Variants in FSIP2 observed in about 807,000 individuals in gnomAD.
FSIP2 encodes fibrous sheath-interacting protein 2.
FSIP2 carries 367 observed loss-of-function variants against 510.5 expected under a neutral mutation model. The observed-to-expected ratio is 0.72, with a 90% CI of 0.66 to 0.78. The LOEUF is 0.78. FSIP2 is among the 30% of genes least tolerant of loss of function. The pLI, the probability that FSIP2 is intolerant of heterozygous loss-of-function variation, is 0.00. For synonymous variants in FSIP2, 2,601 were observed against 2,732.2 expected (o/e 0.95, Z 1.50); for missense variants, 7,594 against 7,901.7 (o/e 0.96, Z 1.48).
intron 2 of FSIP2, 95 bp downstream of exon 2, chr2:185,739,566 G>T: frequency 8.8e-7 from 1 of 1,138,482 alleles, no homozygotes. Flanking sequence ...AAAGGAATTT[G>T]CATCAACATT....
intron 2 of FSIP2, among the ~76,000 whole-genome samples, chr2:185,741,952 CAG>C (rs945537258): frequency 6.6e-5 from 10 of 152,148 alleles, no homozygotes; most frequent in African/African-American, 2.4e-4. Flanking sequence ...AGACTGGAAA[CAG>C]AGGACCCAAA....
chr2:185,804,307 AT>A lies in FSIP2; in HGVS notation c.15005del (p.Leu5002Ter). On this transcript the variant is annotated frameshift_variant, in exon 17 of 23. Coordinates refer to ENST00000424728, the MANE Select transcript of FSIP2 (RefSeq NM_173651.4). LOFTEE classifies it high-confidence loss of function. ...SIVLEFTTSE[I>X]LVADNFDKNL... ...TGTTCTGGAGTTCACCACATCAGAGATTTTAGTTGCAGATAACTTTGATAAA... is the reference window on the plus strand; with the variant it reads ...TGTTCTGGAGTTCACCACATCAGAGATTTAGTTGCAGATAACTTTGATAAA... 6.6e-7 allele frequency: 1 copy of A among 1,514,352 alleles called. No homozygotes were observed. The highest frequency in any genetic ancestry group is 8.8e-7 in the Non-Finnish European group (1 of 1,138,816). 93.8% of individuals were successfully genotyped at this position (1,514,352 alleles called of 1,614,324 possible). A position where few individuals can be genotyped will look rare whatever the true frequency, so the allele number is the denominator to read the frequency against.
intron 8 of FSIP2, 126 bp downstream of exon 8, chr2:185,753,968 AT>A (rs1692196513): frequency 1.7e-6 from 1 of 581,376 alleles, no homozygotes; most frequent in South Asian, 3.6e-5. Flanking sequence ...TGTTCTAGGC[AT>A]TTCTGTAGTA....
In FSIP2 at chr2:185,796,454, A is replaced by C. The variant is rs1266304410; in HGVS notation, c.9318A>C (p.Pro3106=). Reference sequence around the variant, plus strand: ...ACAACGAAATAAGCCAAATGGAACCATCTTCAATTAGCATATTGAAAGAGA... The same window carrying C: ...ACAACGAAATAAGCCAAATGGAACCCTCTTCAATTAGCATATTGAAAGAGA... The part of the protein sequence containing the change: ...KLDNEISQME[P]SSISILKENI... The change falls in exon 16 of 23, where the codon CCA becomes CCC. Residue 3106 remains proline (P), a synonymous_variant. Transcript: ENST00000424728. 2 of 1,534,974 alleles carry C rather than the reference A, an allele frequency of 1.3e-6. No homozygotes were observed. The highest frequency in any genetic ancestry group is 3.9e-5 in the Admixed American group (2 of 50,914).
intron 18 of FSIP2, among the ~76,000 whole-genome samples, chr2:185,814,638 TG>T (rs937735806): frequency 1.3e-5 from 2 of 152,066 alleles, no homozygotes; most frequent in African/African-American, 4.8e-5. Context: ...TCTCAAATGA[TG>T]GTCTGGGTCT....
At chr2:185,746,272 A>G (rs929055729) in intron 5 of FSIP2, among the ~76,000 whole-genome samples, 1 of 139,910 alleles carries the variant, frequency 7.1e-6, no homozygotes, top group Non-Finnish European at 1.6e-5. Flanking sequence ...TTTTTCTTAG[A>G]GAATTCAAAT....
chr2:185,767,132 C>A (rs1309671248), intron 13 of FSIP2, among the ~76,000 whole-genome samples: 5 of 141,946 alleles, frequency 3.5e-5, no homozygotes, highest in Admixed American at 2.2e-4. Flanking sequence ...ATCACATGGA[C>A]ACAGGAAGGG....
rs546390048 is a variant in FSIP2, at chr2:185,746,594, G to T, written c.618-75G>T. 2.0e-3 allele frequency: 2,286 copies of T among 1,127,488 alleles called. 3 individuals are homozygous for T. Among genetic ancestry groups the T allele is most frequent in the Non-Finnish European group, 2.5e-3 (2,040 of 831,740 alleles). The allele number at this position is 1,127,488 out of a possible 1,614,324, so 69.8% of individuals were successfully genotyped here. A position where few individuals can be genotyped will look rare whatever the true frequency, so the allele number is the denominator to read the frequency against. Reference sequence around the variant, plus strand: ...AAAGGCAAGCAAGGAAGTGGTTTGGGAATGGCATAGCAGATGATGCCATCA... The same window carrying T: ...AAAGGCAAGCAAGGAAGTGGTTTGGTAATGGCATAGCAGATGATGCCATCA... On this transcript the variant is annotated intron_variant, in intron 5 of 22. Coordinates refer to ENST00000424728, the MANE Select transcript of FSIP2 (RefSeq NM_173651.4).
rs561828255 is a variant in FSIP2 at position 185,760,708 on chromosome 2, T to C, written c.1079-280T>C. 1.2e-4 allele frequency among the ~76,000 whole-genome samples: 18 copies of C among 150,566 alleles called. No homozygotes were observed. The South Asian group carries it at 1.2e-3, about 10-fold the overall frequency. ...CTGAGTGAAAGAAGCCAGGGAAATA[T>C]GAAATTCTAGAAAGCGCAAACTAAT... On this transcript the variant is annotated intron_variant, in intron 9 of 22. Coordinates refer to ENST00000424728, the MANE Select transcript of FSIP2 (RefSeq NM_173651.4).
chr2:185,750,533 T>G (rs993148085), intron 7 of FSIP2, among the ~76,000 whole-genome samples: 1 of 150,984 alleles, frequency 6.6e-6, no homozygotes, highest in Non-Finnish European at 1.5e-5. Flanking sequence ...AGTTGCTTTT[T>G]CTTTTTCTTC....
At chr2:185,752,797 A>T (rs1250355010) in intron 7 of FSIP2, among the ~76,000 whole-genome samples, 1 of 151,352 alleles carries the variant, frequency 6.6e-6, no homozygotes. Context: ...CAGTTGATAG[A>T]TCTACTTCTT....
At chr2:185,745,691 T>G in intron 5 of FSIP2, 123 bp downstream of exon 5, 1 of 856,672 alleles carries the variant, frequency 1.2e-6, no homozygotes, top group Non-Finnish European at 1.6e-6. Flanking sequence ...CCTCAGAGTG[T>G]AGAGGAAGGA....
chr2:185,806,310 G>C lies in FSIP2; in HGVS notation c.17004G>C (p.Glu5668Asp). ...CTCCAACACAAACGTGTAGGGATGA[G>C]GAACACCACTCAGATTATGAACATG... ...RDSPTQTCRD[E>D]EHHSDYEHVQ... The change falls in exon 17 of 23, where the codon GAG becomes GAC. Residue 5668 changes from glutamate (E) to aspartate (D), a missense_variant. Coordinates refer to ENST00000424728, the MANE Select transcript of FSIP2 (RefSeq NM_173651.4). The C allele has an allele frequency of 6.2e-7, 1 of 1,608,206 alleles. No individual in the cohort carries two copies. The highest frequency in any genetic ancestry group is 8.5e-7 in the Non-Finnish European group (1 of 1,177,288).
rs550442160 is a variant in FSIP2, at chr2:185,793,773, C to G, written c.6637C>G (p.Arg2213Gly). 1 of 1,532,132 alleles carries G rather than the reference C, an allele frequency of 6.5e-7. No homozygotes were observed. Among genetic ancestry groups the G allele is most frequent in the South Asian group, 1.2e-5 (1 of 83,660 alleles). The allele number at this position is 1,532,132 out of a possible 1,614,324, so 94.9% of individuals were successfully genotyped here. The change falls in exon 16 of 23, where the codon CGT becomes GGT. Residue 2213 changes from arginine to glycine, a missense_variant. Arg to Gly is a moderately radical substitution (Grantham distance 125). Coordinates refer to ENST00000424728, the MANE Select transcript of FSIP2 (RefSeq NM_173651.4). The part of the protein sequence containing the change: ...KGSKTERKTE[R>G]FSYSRNQKSA... ...GTCAAAAACTGAAAGAAAAACAGAG[C>G]GTTTTTCATATTCAAGAAATCAGAA...
Position 185,829,894 on chromosome 2 carries a change from A to G in FSIP2, c.20517+1695A>G, listed in dbSNP as rs990002928. Among the ~76,000 whole-genome samples the G allele has an allele frequency of 1.2e-4, 18 of 151,918 alleles. 1 individual carries two copies. The highest frequency in any genetic ancestry group is 1.2e-3 in the Admixed American group (18 of 15,226). Reference sequence around the variant, plus strand: ...AGGCATTGAGGAAAATCACAGAAAGAGGAACCTCAAAAATCTGTTTATACT... The same window carrying G: ...AGGCATTGAGGAAAATCACAGAAAGGGGAACCTCAAAAATCTGTTTATACT... On this transcript the variant is annotated intron_variant, in intron 21 of 22. Transcript: ENST00000424728.
intron 21 of FSIP2, among the ~76,000 whole-genome samples, chr2:185,828,743 C>A (rs941197087): frequency 1.3e-5 from 2 of 151,874 alleles, no homozygotes; most frequent in African/African-American, 2.4e-5. Flanking sequence ...CTTTATAAAT[C>A]TTTCTTATAA....
rs150677839 is a variant in FSIP2 at position 185,827,111 on chromosome 2, T to C, written c.20474-1045T>C. Among the ~76,000 whole-genome samples, 7 of 151,954 alleles carry C rather than the reference T, an allele frequency of 4.6e-5. No individual in the cohort carries two copies. The East Asian group carries it at 1.2e-3, about 25-fold the overall frequency. On this transcript the variant is annotated intron_variant, in intron 20 of 22. Coordinates refer to ENST00000424728, the MANE Select transcript of FSIP2 (RefSeq NM_173651.4). ...GCCCTTGTAGTAAACCCAAATGTCC[T>C]CAATCATTTAAAATAAAGTATGTCA... is the stretch of plus-strand genomic sequence containing the variant.
At chr2:185,769,570 T>C (rs1461020198) in intron 13 of FSIP2, among the ~76,000 whole-genome samples, 1 of 152,162 alleles carries the variant, frequency 6.6e-6, no homozygotes, top group African/African-American at 2.4e-5. Context: ...ATTTTCTAGG[T>C]TGTCTGTTTA....
intron 2 of FSIP2, 39 bp downstream of exon 2, chr2:185,739,510 T>C (rs759884870): frequency 7.0e-7 from 1 of 1,426,462 alleles, no homozygotes; most frequent in South Asian, 1.4e-5. Flanking sequence ...CTTTACCCTT[T>C]ACTACTTGCT....
Sources: allele counts gnomAD v4.1 joint callset (sites outside exome capture counted in the v4.1 genomes callset), GRCh38; gene constraint gnomAD v4.1.1; transcripts MANE v1.5; gene names NCBI Gene and HGNC (gene_info 2026-07-23, HGNC 2026-07-21).